CD8A: variants seen among roughly 807,000 people sequenced by gnomAD.
The protein encoded by CD8A is CD8 subunit alpha.
CD8A carries 25 observed loss-of-function variants against 24.2 expected under a neutral mutation model. The observed-to-expected ratio is 1.03, with a 90% CI of 0.75 to 1.44. The LOEUF is 1.44. CD8A is among the 40% of genes most tolerant of loss of function. The pLI is 0.00. For missense variants in CD8A, 360 were observed against 319.7 expected, an observed-to-expected ratio of 1.13 and a Z score of -0.96; for synonymous variants, 165 against 149.9, an observed-to-expected ratio of 1.10 and a Z score of -0.74.
In CD8A at chr2:86,785,354, C is replaced by T. The variant is rs1312208208; in HGVS notation, c.*566G>A. ...TCTCTTCTTTAATTCATTACCTCCT[C>T]GAGGCTCTGGGCACAGTATCCCAGG... On this transcript the variant is annotated 3_prime_UTR_variant, in exon 6 of 6. Coordinates refer to ENST00000283635, the MANE Select transcript of CD8A (RefSeq NM_001768.7). The T allele has an allele frequency of 4.4e-6, 2 of 454,144 alleles. No individual in the cohort carries two copies. Among genetic ancestry groups the T allele is most frequent in the Non-Finnish European group, 8.8e-6 (2 of 226,828 alleles). 28.1% of individuals were successfully genotyped at this position (454,144 alleles called of 1,614,324 possible).
intron 2 of CD8A, among the ~76,000 whole-genome samples, chr2:86,802,918 C>T (rs1673721695): frequency 6.6e-6 from 1 of 151,926 alleles, no homozygotes; most frequent in African/African-American, 2.4e-5. Context: ...GCCTAGAATT[C>T]ATAAGTTTAA....
chr2:86,788,211 C>T (rs560870102), intron 5 of CD8A, among the ~76,000 whole-genome samples: 2 of 147,920 alleles, frequency 1.4e-5, no homozygotes, highest in Non-Finnish European at 3.0e-5. Context: ...TCAGGTCCTA[C>T]GAGGAGCTAG....
chr2:86,790,659 G>C lies in CD8A; in HGVS notation c.72C>G (p.Phe24Leu). 4.4e-6 allele frequency: 7 copies of C among 1,599,662 alleles called. No homozygotes were observed. Among genetic ancestry groups the C allele is most frequent in the Non-Finnish European group, 5.9e-6 (7 of 1,178,882 alleles). ...AGGTCCGATCCAGCGGCGACACCCG[G>C]AACTGGCTCGGCCTGGCGGCGTCTG... is the stretch of plus-strand genomic sequence containing the variant. ...LLLHAARPSQ[F>L]RVSPLDRTWN... is the part of the protein sequence containing the mutation. Residue 24 changes from phenylalanine (F) to leucine (L), a missense_variant, in exon 2 of 6, where the codon TTC becomes TTG. Phe to Leu is a conservative substitution (Grantham distance 22). Transcript: ENST00000283635.
At chr2:86,806,217 G>C (rs571199530) in intron 2 of CD8A, among the ~76,000 whole-genome samples, 1 of 152,180 alleles carries the variant, frequency 6.6e-6, no homozygotes, top group Non-Finnish European at 1.5e-5. Flanking sequence ...GATCTGAGTG[G>C]TGCAAGGTGG....
chr2:86,796,137 T>G (rs1401325399), intron 3 of CD8A, among the ~76,000 whole-genome samples: 2 of 152,192 alleles, frequency 1.3e-5, no homozygotes, highest in East Asian at 3.8e-4. Context: ...GGATAATTAA[T>G]GAATTGGAAG....
rs966227414 is a variant in CD8A, at chr2:86,799,906, G to A, written c.-271+1605C>T. Among the ~76,000 whole-genome samples the A allele has an allele frequency of 4.0e-5, 6 of 151,562 alleles. No individual in the cohort carries two copies. The East Asian group carries it at 5.8e-4, about 15-fold the overall frequency. On this transcript the variant is annotated intron_variant, in intron 3 of 8. Transcript: ENST00000409511. ...AGTCATTATGAGGATGCATATTAACGTGTTCATTATGATTACAAAAGGAAT... is the reference window on the plus strand; with the variant it reads ...AGTCATTATGAGGATGCATATTAACATGTTCATTATGATTACAAAAGGAAT...
intron 4 of CD8A, 40 bp downstream of exon 4, chr2:86,789,283 C>T (rs1306647077): frequency 1.5e-6 from 2 of 1,305,808 alleles, no homozygotes; most frequent in African/African-American, 1.4e-5. Context: ...AGGGCAGGAG[C>T]GGGGCCGACT....
intron 4 of CD8A, 143 bp downstream of exon 4, chr2:86,789,180 G>T: frequency 1.4e-6 from 1 of 716,756 alleles, no homozygotes; most frequent in African/African-American, 1.7e-5. Context: ...CTCCCAGAAA[G>T]AAGTGCCTGT....
rs775365279 is a variant in CD8A, at chr2:86,803,846, G to A, written c.-417-2189C>T. On this transcript the variant is annotated intron_variant, in intron 2 of 8. Transcript: ENST00000409511. ...TTACAGGTGTGAGCTACCATGCCTG[G>A]CCTGTGGAATCTTTTAAAAAGGTCA... Among the ~76,000 whole-genome samples, 5 of 152,346 alleles carry A rather than the reference G, an allele frequency of 3.3e-5. No homozygotes were observed. The South Asian group carries it at 8.3e-4, about 25-fold the overall frequency.
At chr2:86,788,646 G>C (rs1673124656) in intron 4 of CD8A, 86 bp from the exon 5 acceptor site, 3 of 1,257,826 alleles carry the variant, frequency 2.4e-6, no homozygotes, top group South Asian at 2.5e-5. Flanking sequence ...TGTTGCTGTT[G>C]TTGTTGCTGC....
chr2:86,791,073 A>G (rs36226877), upstream of CD8A: 2 of 698,386 alleles, frequency 2.9e-6, no homozygotes, highest in Non-Finnish European at 5.2e-6. Flanking sequence ...CAGCCTGGCC[A>G]GGCAACTGGG....
At chr2:86,789,801 GC>G in intron 2 of CD8A, 51 bp from the exon 3 acceptor site, 1 of 1,012,130 alleles carries the variant, frequency 9.9e-7, no homozygotes. Context: ...TTATGGAGGC[GC>G]CCCAGCCCCG....
intron 1 of CD8A, chr2:86,807,927 C>G (rs1464791893): frequency 6.5e-6 from 1 of 153,000 alleles, no homozygotes; most frequent in Non-Finnish European, 1.5e-5. Context: ...GAACCTAGCA[C>G]CAACCGCACC....
Position 86,790,820 on chromosome 2 carries a change from G to A in CD8A, c.6C>T (p.Ala2=), listed in dbSNP as rs1256344587. The stretch of plus-strand genomic sequence containing the variant: ...GCAGGAGCAAGGCGGTCACTGGTAA[G>A]GCCATGACGCGCTCCCCAGGACGCT... M[A]LPVTALLLPL... The change falls in exon 1 of 6, where the codon GCC becomes GCT. Residue 2 remains alanine, a synonymous_variant. Transcript: ENST00000283635. The A allele has an allele frequency of 7.8e-6, 12 of 1,546,588 alleles. No homozygotes were observed. Among genetic ancestry groups the A allele is most frequent in the Admixed American group, 1.9e-5 (1 of 51,730 alleles).
At chr2:86,796,894 C>T (rs547109569) in intron 3 of CD8A, among the ~76,000 whole-genome samples, 6 of 152,316 alleles carry the variant, frequency 3.9e-5, no homozygotes, top group African/African-American at 1.2e-4. Flanking sequence ...CTCCTCCCAA[C>T]TTCCTGTTTT....
upstream of CD8A, among the ~76,000 whole-genome samples, chr2:86,794,252 T>C (rs1314168304): frequency 6.6e-6 from 1 of 152,226 alleles, no homozygotes; most frequent in Non-Finnish European, 1.5e-5. Context: ...AACCAGTTTC[T>C]ATGCTGATTT....
upstream of CD8A, among the ~76,000 whole-genome samples, chr2:86,792,748 T>C (rs1382943387): frequency 6.6e-6 from 1 of 152,030 alleles, no homozygotes; most frequent in African/African-American, 2.4e-5. Context: ...TGCCCCGCCT[T>C]GGCCTCCAAA....
Position 86,799,661 on chromosome 2 carries a change from C to A in CD8A, c.-271+1850G>T, listed in dbSNP as rs1227751011. ...GTCCCAGCGACTCGGGAGGCTGCGG[C>A]AGGAGAATGGCTTGAACCCGGGAAG... On this transcript the variant is annotated intron_variant, in intron 3 of 8. Coordinates refer to the CD8A transcript ENST00000409511. Among the ~76,000 whole-genome samples the A allele has an allele frequency of 2.6e-5, 4 of 152,070 alleles. No individual in the cohort carries two copies. The South Asian group carries it at 6.2e-4, about 24-fold the overall frequency.
upstream of CD8A, among the ~76,000 whole-genome samples, chr2:86,792,572 G>A (rs1673347182): frequency 6.6e-6 from 1 of 151,426 alleles, no homozygotes; most frequent in African/African-American, 2.4e-5. Context: ...TCGGCTCACT[G>A]CAGCCTCTAC....
Sources: gnomAD v4.1 joint callset for allele counts (sites outside exome capture counted in the v4.1 genomes callset) on GRCh38, gnomAD v4.1.1 for gene constraint, MANE v1.5 for transcripts, NCBI Gene and HGNC (gene_info 2026-07-23, HGNC 2026-07-21) for gene names.